Variants in KBTBD6 observed in about 807,000 individuals in gnomAD.
KBTBD6 encodes the protein kelch repeat and BTB domain containing 6, also known as kelch repeat and BTB domain-containing protein 6.
KBTBD6 carries 6 observed loss-of-function variants against 34.4 expected under a neutral mutation model. The observed-to-expected ratio is 0.17, with a 90% confidence interval of 0.10 to 0.34. The LOEUF (loss-of-function observed/expected upper bound fraction) is 0.34. KBTBD6 is among the 10% of genes least tolerant of loss of function. KBTBD6 has a pLI of 1.00. For missense variants in KBTBD6, 557 were observed against 856.0 expected, an observed-to-expected ratio of 0.65 and a Z score of 4.36; for synonymous variants, 288 against 327.2, an observed-to-expected ratio of 0.88 and a Z score of 1.29.
rs1369943362 is a variant in KBTBD6 at position 41,130,717 on chromosome 13, C to T, written c.1795G>A (p.Gly599Ser). Residue 599 changes from glycine to serine, a missense_variant, in exon 1 of 1, where the codon GGT (glycine) becomes AGT (serine). By Grantham distance (56) the Gly-to-Ser change is moderately conservative. This residue lies in a region of KBTBD6 where 309 missense variants were observed against 504.5 expected (regional missense o/e 0.61). Transcript: ENST00000379485. The surrounding 1 kb of genome is among the most constrained non-coding windows in gnomAD (Gnocchi z 4.8). ...AACTGCAAGAGGCCTAATGTGGTAC[C>T]TATATTAATCCATTGGTCTCCCCTA... ...DIRGDQWINI[G>S]TTLGLLQFDS... 1 of 1,614,034 alleles carries T rather than the reference C, an allele frequency of 6.2e-7. No individual in the cohort carries two copies. The highest frequency in any genetic ancestry group is 1.3e-5 in the African/African-American group (1 of 74,924).
rs2030111630 is a variant in KBTBD6 at position 41,132,079 on chromosome 13, A to G, written c.433T>C (p.Tyr145His). 1 of 1,614,096 alleles carries G rather than the reference A, an allele frequency of 6.2e-7. No homozygotes were observed. The highest frequency in any genetic ancestry group is 8.5e-7 in the Non-Finnish European group (1 of 1,180,056). Residue 145 changes from tyrosine (Y) to histidine (H), a missense_variant, in exon 1 of 1, where the codon TAC (tyrosine) becomes CAC (histidine). Coordinates refer to ENST00000379485, the MANE Select transcript of KBTBD6 (RefSeq NM_152903.5). ...AGCTGTAGCATGTCGGAGGCCGCGT[A>G]CAGGCGCTCCACGTTGGCCTCACTG... The part of the protein sequence containing the change: ...SLSEANVERL[Y>H]AASDMLQLEY...
At position 41,127,728 on chromosome 13, in the gene KBTBD6, T is replaced by G. The variant is rs115688769; in HGVS notation, c.*2759A>C. On this transcript the variant is annotated 3_prime_UTR_variant, in exon 1 of 1. Transcript: ENST00000379485. ...TAAGCTTTAATTCAAAGGTTGAGAA[T>G]GACGAATTCAAGAATTTCTTTCATA... The G allele has an allele frequency of 3.2e-3, 492 of 152,268 alleles. 3 individuals are homozygous for G. Among genetic ancestry groups the G allele is most frequent in the African/African-American group, 0.011 (474 of 41,494 alleles). 9.4% of individuals were successfully genotyped at this position (152,268 alleles called of 1,614,324 possible).
Position 41,131,839 on chromosome 13 carries a change from C to T in KBTBD6, c.673G>A (p.Val225Ile). ...ADLTLAQLLA[V>I]LRLDSLDVES... ...ACGTCCAGACTATCCAAGCGCAGGA[C>T]AGCCAGCAGCTGGGCCAGGGTCAGA... The change falls in exon 1 of 1, where the codon GTC (valine) becomes ATC (isoleucine). Residue 225 changes from valine (V) to isoleucine (I), a missense_variant. Physicochemically the swap from Val to Ile is conservative, Grantham distance 29 (BLOSUM62 3). Coordinates refer to ENST00000379485, the MANE Select transcript of KBTBD6 (RefSeq NM_152903.5). The surrounding 1 kb of genome is among the most constrained non-coding windows in gnomAD (Gnocchi z 5.8). 3.1e-6 allele frequency: 5 copies of T among 1,614,272 alleles called. No individual in the cohort carries two copies. Among genetic ancestry groups the T allele is most frequent in the African/African-American group, 1.3e-5 (1 of 75,074 alleles).
Position 41,131,999 on chromosome 13 carries a change from G to T in KBTBD6, c.513C>A (p.Thr171=). 1 of 1,614,262 alleles carries T rather than the reference G, an allele frequency of 6.2e-7. No individual in the cohort carries two copies. Among genetic ancestry groups the T allele is most frequent in the Non-Finnish European group, 8.5e-7 (1 of 1,180,050 alleles). Residue 171 remains threonine, a synonymous_variant, in exon 1 of 1, where the codon ACC becomes ACA. Coordinates refer to ENST00000379485, the MANE Select transcript of KBTBD6 (RefSeq NM_152903.5). The surrounding 1 kb of genome is among the most constrained non-coding windows in gnomAD (Gnocchi z 5.8). ...ASFLARRLDL[T]NCTAILKFAD... is the part of the protein sequence containing the mutation. ...CAAACTTGAGGATGGCGGTGCAGTT[G>T]GTCAGGTCAAGACGTCGGGCTAAGA... is the stretch of plus-strand genomic sequence containing the variant.
chr13:41,132,558 C>T lies in KBTBD6; in HGVS notation c.-47G>A, dbSNP rs374573959. ...TGATGGCGAGAAACGCTGCAGGACC[C>T]GGCTCTGGCTCCTCCTCAACCTTCC... On this transcript the variant is annotated 5_prime_UTR_variant, in exon 1 of 1. Transcript: ENST00000379485. 1.3e-6 allele frequency: 2 copies of T among 1,584,442 alleles called. No homozygotes were observed. The highest frequency in any genetic ancestry group is 1.7e-6 in the Non-Finnish European group (2 of 1,162,612).
Position 41,130,534 on chromosome 13 carries a change from T to C in KBTBD6, c.1978A>G (p.Ser660Gly), listed in dbSNP as rs1040003164. 2 of 1,613,996 alleles carry C rather than the reference T, an allele frequency of 1.2e-6. No individual in the cohort carries two copies. Among genetic ancestry groups the C allele is most frequent in the Non-Finnish European group, 1.7e-6 (2 of 1,180,008 alleles). Residue 660 changes from serine to glycine, a missense_variant, in exon 1 of 1, where the codon AGT becomes GGT. Transcript: ENST00000379485. The surrounding 1 kb of genome is among the most constrained non-coding windows in gnomAD (Gnocchi z 4.8). Reference sequence around the variant, plus strand: ...CAAAAATCATCATCAGAAAGAGAACTTGAACTTCCTGACTCAGAGTCTGGC... The same window carrying C: ...CAAAAATCATCATCAGAAAGAGAACCTGAACTTCCTGACTCAGAGTCTGGC... ...SEPDSESGSS[S>G]SLSDDDFWVR...
In KBTBD6 at chr13:41,132,168, T is replaced by C. The variant is rs763229494; in HGVS notation, c.344A>G (p.His115Arg). 43 of 1,614,114 alleles carry C rather than the reference T, an allele frequency of 2.7e-5. No homozygotes were observed. Among genetic ancestry groups the C allele is most frequent in the Non-Finnish European group, 3.6e-5 (43 of 1,180,038 alleles). The change falls in exon 1 of 1, where the codon CAC becomes CGC. Residue 115 changes from histidine (H) to arginine (R), a missense_variant. His to Arg is a conservative substitution (Grantham distance 29). This residue lies in a region of KBTBD6 where 108 missense variants were observed against 209.6 expected (regional missense o/e 0.52). Transcript: ENST00000379485. ...YESQQASVTM[H>R]DVDAESFEVL... Reference sequence around the variant, plus strand: ...CTCGAAGGACTCGGCGTCCACATCGTGCATGGTCACGCTGGCCTGCTGGCT... The same window carrying C: ...CTCGAAGGACTCGGCGTCCACATCGCGCATGGTCACGCTGGCCTGCTGGCT...
In KBTBD6 at chr13:41,132,236, T is replaced by C. The variant is rs755636327; in HGVS notation, c.276A>G (p.Ala92=). The C allele has an allele frequency of 8.7e-6, 14 of 1,614,116 alleles. No homozygotes were observed. The highest frequency in any genetic ancestry group is 1.6e-4 in the Middle Eastern group (1 of 6,084). The change falls in exon 1 of 1, where the codon GCA becomes GCG. Residue 92 remains alanine, a synonymous_variant. Coordinates refer to ENST00000379485, the MANE Select transcript of KBTBD6 (RefSeq NM_152903.5). ...FPCNRNVLAA[A]CPYFKSMFTG... is the part of the protein sequence containing the mutation. Reference sequence around the variant, plus strand: ...TGAACATGCTCTTGAAGTAGGGACATGCCGCGGCCAGCACATTGCGGTTGC... The same window carrying C: ...TGAACATGCTCTTGAAGTAGGGACACGCCGCGGCCAGCACATTGCGGTTGC...
At position 41,132,326 on chromosome 13, in the gene KBTBD6, C is replaced by T. The variant is rs1439557989; in HGVS notation, c.186G>A (p.Leu62=). 3.1e-6 allele frequency: 5 copies of T among 1,614,272 alleles called. No individual in the cohort carries two copies. Among genetic ancestry groups the T allele is most frequent in the Non-Finnish European group, 4.2e-6 (5 of 1,180,054 alleles). The change falls in exon 1 of 1, where the codon CTG becomes CTA. Residue 62 remains leucine, a synonymous_variant. Transcript: ENST00000379485. ...TCACCACCTCGATGGTCACATCACA[C>T]AGCAGCCGCGCATCGTAGAAGGACT... The part of the protein sequence containing the change: ...QLKSFYDARL[L]CDVTIEVVTP...
In KBTBD6 at chr13:41,128,678, G is replaced by A. The variant is rs1314491695; in HGVS notation, c.*1809C>T. The A allele has an allele frequency of 2.6e-6, 1 of 378,422 alleles. No individual in the cohort carries two copies. Among genetic ancestry groups the A allele is most frequent in the East Asian group, 3.7e-5 (1 of 27,300 alleles). The allele number at this position is 378,422 out of a possible 1,614,324, so 23.4% of individuals were successfully genotyped here. ...GGATCTCGTTCTGTTGCCAAAGCTG[G>A]AGTGCTGAGACATGATCATAGCTGC... On this transcript the variant is annotated 3_prime_UTR_variant, in exon 1 of 1. Transcript: ENST00000379485.
At position 41,130,797 on chromosome 13, in the gene KBTBD6, G is replaced by A. The variant is rs1419407462; in HGVS notation, c.1715C>T (p.Thr572Ile). 6.2e-7 allele frequency: 1 copy of A among 1,614,174 alleles called. No homozygotes were observed. The highest frequency in any genetic ancestry group is 8.5e-7 in the Non-Finnish European group (1 of 1,180,052). ...IKHGQKLLLI[T>I]SRTPQWKKNR... Reference sequence around the variant, plus strand: ...CTTTTTCCACTGTGGGGTGCGAGAGGTGATGAGCAACAATTTTTGGCCATG... The same window carrying A: ...CTTTTTCCACTGTGGGGTGCGAGAGATGATGAGCAACAATTTTTGGCCATG... Residue 572 changes from threonine to isoleucine, a missense_variant, in exon 1 of 1, where the codon ACC (threonine) becomes ATC (isoleucine). Physicochemically the swap from Thr to Ile is moderately conservative, Grantham distance 89. Coordinates refer to ENST00000379485, the MANE Select transcript of KBTBD6 (RefSeq NM_152903.5). This position sits in a 1 kb window ranked among gnomAD's most constrained non-coding sequence, Gnocchi z 4.8.
In KBTBD6 at chr13:41,130,787, G is replaced by A. The variant is rs1566228193; in HGVS notation, c.1725C>T (p.Thr575=). The A allele has an allele frequency of 1.2e-6, 2 of 1,614,130 alleles. No individual in the cohort carries two copies. Among genetic ancestry groups the A allele is most frequent in the Non-Finnish European group, 1.7e-6 (2 of 1,180,038 alleles). ...GQKLLLITSR[T]PQWKKNRVTV... ...TCACCCGGTTCTTTTTCCACTGTGG[G>A]GTGCGAGAGGTGATGAGCAACAATT... is the stretch of plus-strand genomic sequence containing the variant. The change falls in exon 1 of 1, where the codon ACC becomes ACT. Residue 575 remains threonine, a synonymous_variant. Transcript: ENST00000379485. This position sits in a 1 kb window ranked among gnomAD's most constrained non-coding sequence, Gnocchi z 4.8.
Position 41,129,464 on chromosome 13 carries a change from C to A in KBTBD6, c.*1023G>T, listed in dbSNP as rs576889451. ...TTTGGTGACACAACTAGAATATAAC[C>A]TTTTAGATGAAAATTGGTGACTTTG... On this transcript the variant is annotated 3_prime_UTR_variant, in exon 1 of 1. Transcript: ENST00000379485. 6.6e-6 allele frequency: 1 copy of A among 152,132 alleles called. No individual in the cohort carries two copies. Among genetic ancestry groups the A allele is most frequent in the African/African-American group, 2.4e-5 (1 of 41,518 alleles). The allele number at this position is 152,132 out of a possible 1,614,324, so 9.4% of individuals were successfully genotyped here. A position where few individuals can be genotyped will look rare whatever the true frequency, so the allele number is the denominator to read the frequency against.
chr13:41,131,429 T>C lies in KBTBD6; in HGVS notation c.1083A>G (p.Pro361=). ...HPRDPFLCCD[P]YSGDLYKVPS... ...GCACTTTGTAAAGGTCCCCCGAGTA[T>C]GGATCACAGCAGAGAAAGGGATCTC... Residue 361 remains proline (P), a synonymous_variant, in exon 1 of 1, where the codon CCA becomes CCG. Coordinates refer to ENST00000379485, the MANE Select transcript of KBTBD6 (RefSeq NM_152903.5). This position sits in a 1 kb window ranked among gnomAD's most constrained non-coding sequence, Gnocchi z 5.8. 3 of 1,613,736 alleles carry C rather than the reference T, an allele frequency of 1.9e-6. No homozygotes were observed. Among genetic ancestry groups the C allele is most frequent in the Non-Finnish European group, 2.5e-6 (3 of 1,179,686 alleles).
At position 41,132,474 on chromosome 13, in the gene KBTBD6, A is replaced by G. The variant is rs1193495137; in HGVS notation, c.38T>C (p.Leu13Pro). Residue 13 changes from leucine (L) to proline (P), a missense_variant, in exon 1 of 1, where the codon CTA becomes CCA. Transcript: ENST00000379485. The part of the protein sequence containing the change: ...SREDAPRSRR[L>P]ASPRGGKRPK... ...CCGCTTCCCACCACGGGGACTGGCT[A>G]GGCGGCGAGAGCGCGGGGCGTCTTC... 1.9e-6 allele frequency: 3 copies of G among 1,614,026 alleles called. No homozygotes were observed. In the South Asian group the frequency reaches 3.3e-5, roughly 18 times the overall value.
Position 41,127,812 on chromosome 13 carries a change from T to A in KBTBD6, c.*2675A>T, listed in dbSNP as rs2030020085. On this transcript the variant is annotated 3_prime_UTR_variant, in exon 1 of 1. Coordinates refer to ENST00000379485, the MANE Select transcript of KBTBD6 (RefSeq NM_152903.5). ...AATCTGTTTGAGATAAGCACTGTCATGTTTCAACCTTAGAGAACAAAAAGC... is the reference window on the plus strand; with the variant it reads ...AATCTGTTTGAGATAAGCACTGTCAAGTTTCAACCTTAGAGAACAAAAAGC... 6.6e-6 allele frequency: 1 copy of A among 152,228 alleles called. No homozygotes were observed. Among genetic ancestry groups the A allele is most frequent in the Admixed American group, 6.5e-5 (1 of 15,282 alleles). 9.4% of individuals were successfully genotyped at this position (152,228 alleles called of 1,614,324 possible).
At position 41,128,324 on chromosome 13, in the gene KBTBD6, T is replaced by C. The variant is rs574413618; in HGVS notation, c.*2163A>G. Reference sequence around the variant, plus strand: ...AAGGAAAATGTAGACCATAAGCATCTGGTCATTCATCATGTACATGTATCA... The same window carrying C: ...AAGGAAAATGTAGACCATAAGCATCCGGTCATTCATCATGTACATGTATCA... On this transcript the variant is annotated 3_prime_UTR_variant, in exon 1 of 1. Transcript: ENST00000379485. 5.5e-6 allele frequency: 2 copies of C among 363,290 alleles called. No homozygotes were observed. The highest frequency in any genetic ancestry group is 1.5e-4 in the South Asian group (1 of 6,638). The allele number at this position is 363,290 out of a possible 1,614,324, so 22.5% of individuals were successfully genotyped here.
At position 41,131,833 on chromosome 13, in the gene KBTBD6, G is replaced by C; in HGVS notation, c.679C>G (p.Arg227Gly). The change falls in exon 1 of 1, where the codon CGC becomes GGC. Residue 227 changes from arginine (R) to glycine (G), a missense_variant. By Grantham distance (125) the Arg-to-Gly change is moderately radical (BLOSUM62 -2). This residue lies in a region of KBTBD6 where 100 missense variants were observed against 102.1 expected (regional missense o/e 0.98). Transcript: ENST00000379485. The surrounding 1 kb of genome is among the most constrained non-coding windows in gnomAD (Gnocchi z 5.8). The part of the protein sequence containing the change: ...LTLAQLLAVL[R>G]LDSLDVESEQ... ...CTCTCCACGTCCAGACTATCCAAGC[G>C]CAGGACAGCCAGCAGCTGGGCCAGG... 4 of 1,614,250 alleles carry C rather than the reference G, an allele frequency of 2.5e-6. No individual in the cohort carries two copies. The highest frequency in any genetic ancestry group is 3.4e-6 in the Non-Finnish European group (4 of 1,180,048).
At position 41,131,940 on chromosome 13, in the gene KBTBD6, T is replaced by C; in HGVS notation, c.572A>G (p.Gln191Arg). 1 of 1,614,260 alleles carries C rather than the reference T, an allele frequency of 6.2e-7. No individual in the cohort carries two copies. The highest frequency in any genetic ancestry group is 8.5e-7 in the Non-Finnish European group (1 of 1,180,046). ...DAFGHRKLRS[Q>R]AQSYIAQNFK... is the part of the protein sequence containing the mutation. ...GTTCTGAGCTATATAGGACTGGGCC[T>C]GGGATCGCAGCTTGCGATGGCCAAA... The change falls in exon 1 of 1, where the codon CAG becomes CGG. Residue 191 changes from glutamine to arginine, a missense_variant. Physicochemically the swap from Gln to Arg is conservative, Grantham distance 43. This residue lies in a region of KBTBD6 where 100 missense variants were observed against 102.1 expected (regional missense o/e 0.98). Coordinates refer to ENST00000379485, the MANE Select transcript of KBTBD6 (RefSeq NM_152903.5). The surrounding 1 kb of genome is among the most constrained non-coding windows in gnomAD (Gnocchi z 5.8).
Sources: allele counts gnomAD v4.1 joint callset, GRCh38; gene constraint gnomAD v4.1.1; regional missense constraint gnomAD v4.1.1; non-coding constraint Gnocchi (gnomAD v3.1); transcripts MANE v1.5; gene names NCBI Gene and HGNC (gene_info 2026-07-23, HGNC 2026-07-21).